GASK1A: variants seen among roughly 807,000 people sequenced by gnomAD.
The protein encoded by GASK1A is Golgi-associated kinase 1A.
In GASK1A, 40 loss-of-function variants were observed where a neutral mutation model predicts 41.2. The ratio of observed to expected loss-of-function variants is 0.97; its 90% CI spans 0.75 to 1.27. GASK1A has a LOEUF of 1.27. Among genes scored for constraint, GASK1A ranks in the 50% most tolerant of loss-of-function variants. GASK1A has a pLI of 0.00. For synonymous variants in GASK1A, 316 were observed against 307.1 expected (o/e 1.03, Z -0.30); for missense variants, 678 against 745.1 (o/e 0.91, Z 1.05).
At chr3:43,044,311 G>A (rs2089651773) in intron 2 of GASK1A, among the ~76,000 whole-genome samples, 1 of 152,176 alleles carries the variant, frequency 6.6e-6, no homozygotes, top group African/African-American at 2.4e-5. Flanking sequence ...GCTTGTGCGT[G>A]GAAGAGATGC....
rs137985761 is a variant in GASK1A at position 43,054,034 on chromosome 3, G to A, written c.1413+391G>A. ...GGGAAAGGAATCTTCAAGGCCATAC[G>A]CTAGCAGCATTAGGGCATGAACCCA... On this transcript the variant is annotated intron_variant, in intron 3 of 4. Transcript: ENST00000430121. 438 of 353,772 alleles carry A rather than the reference G, an allele frequency of 1.2e-3. 3 individuals carry two copies. Among genetic ancestry groups the A allele is most frequent in the African/African-American group, 7.1e-3 (335 of 46,970 alleles). The allele number at this position is 353,772 out of a possible 1,614,324, so 21.9% of individuals were successfully genotyped here.
At chr3:43,011,467 G>A (rs759594405) in intron 1 of GASK1A, among the ~76,000 whole-genome samples, 5 of 152,012 alleles carry the variant, frequency 3.3e-5, no homozygotes, top group Non-Finnish European at 7.4e-5. Context: ...AGAACCCACT[G>A]TGTGGGCTGT....
At chr3:42,983,211 C>T (rs1239676916) in intron 1 of GASK1A, among the ~76,000 whole-genome samples, 1 of 152,004 alleles carries the variant, frequency 6.6e-6, no homozygotes, top group Non-Finnish European at 1.5e-5. Context: ...AACCTTAGCC[C>T]CTTATCTGTA....
At chr3:43,006,905 C>T (rs1318326726) in intron 1 of GASK1A, among the ~76,000 whole-genome samples, 4 of 152,034 alleles carry the variant, frequency 2.6e-5, no homozygotes, top group African/African-American at 7.3e-5. Context: ...AATTTACCCA[C>T]TGTCTTCAGT....
At chr3:42,999,364 C>T (rs1017584390) in intron 1 of GASK1A, among the ~76,000 whole-genome samples, 3 of 152,226 alleles carry the variant, frequency 2.0e-5, no homozygotes, top group African/African-American at 2.4e-5. Flanking sequence ...CCACATGCAG[C>T]AAACCCCAGG....
chr3:43,051,809 A>G (rs978538882), intron 2 of GASK1A, among the ~76,000 whole-genome samples: 1 of 152,164 alleles, frequency 6.6e-6, no homozygotes, highest in African/African-American at 2.4e-5. Flanking sequence ...GACACGTCAG[A>G]TAATGACAAT....
intron 2 of GASK1A, among the ~76,000 whole-genome samples, chr3:43,039,076 G>T (rs2089620942): frequency 3.6e-5 from 5 of 140,620 alleles, no homozygotes; most frequent in East Asian, 2.0e-4. Flanking sequence ...TCCTGCCTCT[G>T]TTTAAAAGCA....
intron 2 of GASK1A, among the ~76,000 whole-genome samples, chr3:43,053,105 G>A (rs2089698754): frequency 6.6e-6 from 1 of 152,208 alleles, no homozygotes. Context: ...GATGATCATT[G>A]AAGGACTTGC....
chr3:43,024,779 C>G (rs769316274), intron 1 of GASK1A, among the ~76,000 whole-genome samples: 2 of 152,136 alleles, frequency 1.3e-5, no homozygotes, highest in African/African-American at 4.8e-5. Context: ...AATTGTGAGC[C>G]CATGTCCTGC....
intron 1 of GASK1A, among the ~76,000 whole-genome samples, chr3:42,994,303 G>A (rs1484923233): frequency 6.6e-6 from 1 of 152,162 alleles, no homozygotes; most frequent in African/African-American, 2.4e-5. Context: ...GTCTGGATTT[G>A]GGGAGGCCTG....
At chr3:43,013,511 A>C (rs2125680360) in intron 1 of GASK1A, among the ~76,000 whole-genome samples, 1 of 152,256 alleles carries the variant, frequency 6.6e-6, no homozygotes, top group South Asian at 2.1e-4. Context: ...GTGTGAAGCC[A>C]CAGGAAGAGG....
rs550119559 is a variant in GASK1A at position 42,989,482 on chromosome 3, T to C, written c.3+9837T>C. Among the ~76,000 whole-genome samples, 13 of 152,344 alleles carry C rather than the reference T, an allele frequency of 8.5e-5. No individual in the cohort carries two copies. The South Asian group carries it at 1.9e-3, about 22-fold the overall frequency. ...TCACTGCTTCTTTTCCTGACCTAAT[T>C]ATAGGGGAATGTTTTCCTCAATTTT... On this transcript the variant is annotated intron_variant, in intron 1 of 4. Transcript: ENST00000430121.
intron 1 of GASK1A, among the ~76,000 whole-genome samples, chr3:42,992,122 A>G (rs2089344378): frequency 6.6e-6 from 1 of 151,916 alleles, no homozygotes; most frequent in Non-Finnish European, 1.5e-5. Flanking sequence ...CTGGGCAGGG[A>G]TGCCTTGTGT....
At chr3:42,979,713 A>C in intron 1 of GASK1A, 68 bp downstream of exon 1, 7 of 1,240,996 alleles carry the variant, frequency 5.6e-6, no homozygotes, top group Non-Finnish European at 6.1e-6. Flanking sequence ...GGCTGCAGTC[A>C]ACGCGCAGCG....
At chr3:43,006,514 T>C (rs1032840034) in intron 1 of GASK1A, among the ~76,000 whole-genome samples, 1 of 152,236 alleles carries the variant, frequency 6.6e-6, no homozygotes, top group Non-Finnish European at 1.5e-5. Context: ...AAGGCTTTGC[T>C]CAATGGTGCT....
chr3:42,989,188 A>G (rs571894506), intron 1 of GASK1A, among the ~76,000 whole-genome samples: 1 of 152,230 alleles, frequency 6.6e-6, no homozygotes, highest in South Asian at 2.1e-4. Context: ...GCCAGGTGGA[A>G]GGAAAGGGGG....
intron 1 of GASK1A, among the ~76,000 whole-genome samples, chr3:42,987,088 A>G (rs1039886687): frequency 6.6e-6 from 1 of 152,244 alleles, no homozygotes; most frequent in Non-Finnish European, 1.5e-5. Context: ...CAAACAAAGG[A>G]TTCTTAACAA....
At chr3:43,033,880 TA>T (rs1255583751) in intron 2 of GASK1A, among the ~76,000 whole-genome samples, 1 of 152,254 alleles carries the variant, frequency 6.6e-6, no homozygotes. Context: ...CAGAATGCAT[TA>T]TTTCCTAATT....
intron 1 of GASK1A, among the ~76,000 whole-genome samples, chr3:42,988,583 C>G (rs1244423313): frequency 6.6e-6 from 1 of 152,224 alleles, no homozygotes; most frequent in Non-Finnish European, 1.5e-5. Flanking sequence ...CAAACGAGAC[C>G]AGCTCTGTGG....
Sources: gnomAD v4.1 joint callset for allele counts (sites outside exome capture counted in the v4.1 genomes callset) on GRCh38, gnomAD v4.1.1 for gene constraint, MANE v1.5 for transcripts, NCBI Gene and HGNC (gene_info 2026-07-23, HGNC 2026-07-21) for gene names.